The following NAPEPLD variants were observed in gnomAD, a reference collection of about 807,000 sequenced individuals.
The protein encoded by NAPEPLD is N-acyl-phosphatidylethanolamine-hydrolyzing phospholipase D.
A neutral mutation model predicts 38.1 loss-of-function variants in NAPEPLD; 23 were observed. The observed-to-expected ratio is 0.60, with a 90% CI of 0.43 to 0.86. The LOEUF is 0.86. Among genes scored for constraint, NAPEPLD ranks in the 40% least tolerant of loss-of-function variants. The pLI is 0.00. For missense variants in NAPEPLD, 411 were observed against 476.8 expected (o/e 0.86, Z 1.28); for synonymous variants, 147 against 162.0 (o/e 0.91, Z 0.71).
intron 1 of NAPEPLD, among the ~76,000 whole-genome samples, chr7:103,147,475 C>T (rs532678761): frequency 7.2e-5 from 11 of 152,264 alleles, no homozygotes; most frequent in Admixed American, 3.3e-4. Context: ...CTATCCATCA[C>T]CACAAAGAAA....
intron 2 of NAPEPLD, 160 bp downstream of exon 2, chr7:103,128,323 G>T (rs147015186): frequency 5.1e-4 from 408 of 803,430 alleles, no homozygotes; most frequent in Non-Finnish European, 7.1e-4. Flanking sequence ...ATTCCTATAT[G>T]TACTCTGCTA....
At chr7:103,111,088 C>T (rs1370339553) in intron 4 of NAPEPLD, among the ~76,000 whole-genome samples, 1 of 152,106 alleles carries the variant, frequency 6.6e-6, no homozygotes, top group African/African-American at 2.4e-5. Flanking sequence ...AACTACAAAC[C>T]ACTGCTCAAG....
At chr7:103,138,827 A>G (rs1163210659) in intron 1 of NAPEPLD, among the ~76,000 whole-genome samples, 2 of 152,340 alleles carry the variant, frequency 1.3e-5, no homozygotes, top group African/African-American at 4.8e-5. Context: ...ATTCATCTGT[A>G]AAATAGAGGA....
intron 4 of NAPEPLD, 111 bp from the exon 5 acceptor site, chr7:103,103,665 CCCT>C: frequency 1.7e-6 from 2 of 1,152,356 alleles, no homozygotes; most frequent in Non-Finnish European, 2.4e-6. Flanking sequence ...TAGAATTAGG[CCCT>C]TTCTTTTAAT....
chr7:103,117,960 A>G (rs1805889022), intron 3 of NAPEPLD, among the ~76,000 whole-genome samples: 1 of 152,238 alleles, frequency 6.6e-6, no homozygotes, highest in African/African-American at 2.4e-5. Context: ...ACACAGGCAG[A>G]TCACTTGAGG....
chr7:103,125,590 GA>G (rs1469752406), intron 2 of NAPEPLD, among the ~76,000 whole-genome samples: 1 of 152,058 alleles, frequency 6.6e-6, no homozygotes, highest in Non-Finnish European at 1.5e-5. Context: ...GTTTAAAAAT[GA>G]AACAAATAGG....
At chr7:103,138,373 A>T (rs1056817246) in intron 1 of NAPEPLD, among the ~76,000 whole-genome samples, 3 of 152,236 alleles carry the variant, frequency 2.0e-5, no homozygotes. Flanking sequence ...ATGTCTTCAT[A>T]GCTCCTGGAC....
intron 1 of NAPEPLD, among the ~76,000 whole-genome samples, chr7:103,145,755 A>G (rs911762147): frequency 2.0e-5 from 3 of 152,174 alleles, no homozygotes; most frequent in Non-Finnish European, 4.4e-5. Context: ...AGCCTGGACT[A>G]CGTATCAGCC....
intron 1 of NAPEPLD, among the ~76,000 whole-genome samples, chr7:103,147,747 T>A (rs1375803952): frequency 6.6e-6 from 1 of 152,196 alleles, no homozygotes; most frequent in Non-Finnish European, 1.5e-5. Context: ...ATTTCTACAA[T>A]ATAATTTGGA....
intron 1 of NAPEPLD, among the ~76,000 whole-genome samples, chr7:103,135,251 T>G (rs766191541): frequency 6.6e-6 from 1 of 152,234 alleles, no homozygotes; most frequent in Non-Finnish European, 1.5e-5. Context: ...GCTCTCCTTA[T>G]CCTTATTGAA....
At chr7:103,108,766 T>A (rs903998037) in intron 4 of NAPEPLD, among the ~76,000 whole-genome samples, 17 of 152,272 alleles carry the variant, frequency 1.1e-4, no homozygotes, top group African/African-American at 4.1e-4. Flanking sequence ...GTAAATGGGT[T>A]AATGCCCCAA....
Position 103,120,094 on chromosome 7 carries a change from G to T in NAPEPLD, c.424C>A (p.Leu142Ile), listed in dbSNP as rs757648150. ...HATVMVEMDE[L>I]IFLTDPIFSS... ...AAGATGGGATCCGTGAGAAATATGA[G>T]CTCATCCATTTCCACCATTACCGTG... The change falls in exon 3 of 5, where the codon CTC (leucine) becomes ATC (isoleucine). Residue 142 changes from leucine (L) to isoleucine (I), a missense_variant. Transcript: ENST00000465647. 3 of 1,614,162 alleles carry T rather than the reference G, an allele frequency of 1.9e-6. No homozygotes were observed. The highest frequency in any genetic ancestry group is 2.5e-6 in the Non-Finnish European group (3 of 1,180,032).
intron 1 of NAPEPLD, chr7:103,141,593 T>A: frequency 1.0e-6 from 1 of 965,232 alleles, no homozygotes; most frequent in Admixed American, 1.7e-5. Flanking sequence ...CATGCGGCGA[T>A]CAATCTTCTT....
At chr7:103,137,559 T>C (rs1391687106) in intron 1 of NAPEPLD, among the ~76,000 whole-genome samples, 1 of 152,178 alleles carries the variant, frequency 6.6e-6, no homozygotes, top group Non-Finnish European at 1.5e-5. Flanking sequence ...AACATAGTTA[T>C]CATCTCTTTA....
At chr7:103,105,932 CAAAAAAAAAAAA>C (rs1194781765) in intron 4 of NAPEPLD, among the ~76,000 whole-genome samples, 4 of 49,970 alleles carry the variant, frequency 8.0e-5, no homozygotes, top group Non-Finnish European at 1.1e-4. Flanking sequence ...GACTCCGTCT[CAAAAAAAAAAAA>C]AAAAAAAAAA....
At chr7:103,105,047 T>C (rs1404254218) in intron 4 of NAPEPLD, among the ~76,000 whole-genome samples, 1 of 152,204 alleles carries the variant, frequency 6.6e-6, no homozygotes, top group African/African-American at 2.4e-5. Context: ...CTGTCTTTAA[T>C]CTGCCTAGAT....
chr7:103,142,243 T>C (rs1274879876), intron 1 of NAPEPLD, among the ~76,000 whole-genome samples: 2 of 152,070 alleles, frequency 1.3e-5, no homozygotes, highest in African/African-American at 4.8e-5. Flanking sequence ...CACTCCAAGT[T>C]AGAGAGGCAG....
chr7:103,135,836 A>G (rs753611281), intron 1 of NAPEPLD, among the ~76,000 whole-genome samples: 11 of 152,154 alleles, frequency 7.2e-5, no homozygotes, highest in Non-Finnish European at 1.5e-4. Context: ...CAGTTCTACT[A>G]TTAACTAGAG....
At chr7:103,149,443 C>G (rs1393826109), upstream of NAPEPLD, 1 of 1,254,692 alleles carries the variant, frequency 8.0e-7, no homozygotes, top group Non-Finnish European at 1.0e-6. Flanking sequence ...AGGACGCCAG[C>G]AGCTGCAGGC....
Sources: allele counts gnomAD v4.1 joint callset (sites outside exome capture counted in the v4.1 genomes callset), GRCh38; gene constraint gnomAD v4.1.1; transcripts MANE v1.5; gene names NCBI Gene and HGNC (gene_info 2026-07-23, HGNC 2026-07-21).